CCSER1: variants seen among roughly 807,000 people sequenced by gnomAD.
CCSER1 encodes the protein serine-rich coiled-coil domain-containing protein 1.
In CCSER1, 41 loss-of-function variants were observed where a neutral mutation model predicts 82.0. That is an observed-to-expected ratio of 0.50 (90% CI 0.39 to 0.65). The LOEUF (loss-of-function observed/expected upper bound fraction) is 0.65, where lower values mean the gene tolerates loss of function less well. Among genes scored for constraint, CCSER1 ranks in the 30% least tolerant of loss-of-function variants. The probability of loss-of-function intolerance (pLI) is 0.00; values close to 1 mark genes in which losing one functional copy is unlikely to be tolerated. For synonymous variants in CCSER1, 414 were observed against 383.9 expected, an observed-to-expected ratio of 1.08 and a Z score of -0.92; for missense variants, 1,119 against 1,064.2, an observed-to-expected ratio of 1.05 and a Z score of -0.72.
chr4:90,984,494 G>A (rs1299702056), intron 9 of CCSER1, among the ~76,000 whole-genome samples: 1 of 151,656 alleles, frequency 6.6e-6, no homozygotes, highest in East Asian at 2.0e-4. Context: ...TAATTACAAA[G>A]AAGACAACTT....
chr4:90,791,625 C>T (rs13103942), intron 7 of CCSER1, among the ~76,000 whole-genome samples: 11,423 of 152,054 alleles, frequency 0.075, 563 homozygotes, highest in South Asian at 0.13. Flanking sequence ...CCAAGGCGGG[C>T]GGATCACGAG....
chr4:90,738,577 C>T (rs1746031742), intron 7 of CCSER1, among the ~76,000 whole-genome samples: 1 of 152,140 alleles, frequency 6.6e-6, no homozygotes, highest in South Asian at 2.1e-4. Context: ...GCCAACACAG[C>T]ACTGTGTCTT....
At chr4:90,699,160 A>T (rs1014867945) in intron 6 of CCSER1, among the ~76,000 whole-genome samples, 1 of 152,132 alleles carries the variant, frequency 6.6e-6, no homozygotes, top group African/African-American at 2.4e-5. Context: ...TTAGACTTCA[A>T]TGCAAAAGTG....
At chr4:90,998,358 G>A (rs1737691976) in intron 9 of CCSER1, among the ~76,000 whole-genome samples, 1 of 152,100 alleles carries the variant, frequency 6.6e-6, no homozygotes, top group Non-Finnish European at 1.5e-5. Context: ...GGGATTACAG[G>A]CGTGAGCCAC....
chr4:90,461,772 A>G (rs1213203261), intron 4 of CCSER1, among the ~76,000 whole-genome samples: 4 of 152,164 alleles, frequency 2.6e-5, no homozygotes, highest in Admixed American at 6.5e-5. Context: ...ACAGGAGTGA[A>G]CAAGACTGCA....
intron 4 of CCSER1, among the ~76,000 whole-genome samples, chr4:90,429,516 T>A (rs1757987077): frequency 1.3e-5 from 2 of 151,996 alleles, no homozygotes; most frequent in Non-Finnish European, 3.0e-5. Flanking sequence ...ATAGCTTATT[T>A]ATTTTATTTC....
intron 4 of CCSER1, among the ~76,000 whole-genome samples, chr4:90,421,537 G>A (rs1023158874): frequency 1.3e-5 from 2 of 152,182 alleles, no homozygotes; most frequent in Admixed American, 6.5e-5. Context: ...CTGAATTCTG[G>A]TAGTTTTCTG....
intron 7 of CCSER1, among the ~76,000 whole-genome samples, chr4:90,801,228 A>G (rs931938912): frequency 2.0e-5 from 3 of 152,148 alleles, no homozygotes; most frequent in African/African-American, 7.2e-5. Context: ...CTTTCTTGGT[A>G]TTATGATATA....
chr4:91,050,250 G>A (rs1048065516), intron 9 of CCSER1, among the ~76,000 whole-genome samples: 2 of 152,056 alleles, frequency 1.3e-5, no homozygotes, highest in Non-Finnish European at 2.9e-5. Context: ...GGCCAATCTG[G>A]TGAAACCCTG....
intron 9 of CCSER1, among the ~76,000 whole-genome samples, chr4:90,966,256 T>TTGAAGTCCA (rs2150387382): frequency 6.6e-6 from 1 of 152,060 alleles, no homozygotes; most frequent in South Asian, 2.1e-4. Context: ...CCTAAGAAAC[T>TTGAAGTCCA]TGAAGTCCAT....
At chr4:91,514,980 A>T (rs80345008) in intron 10 of CCSER1, among the ~76,000 whole-genome samples, 2,270 of 152,210 alleles carry the variant, frequency 0.015, 59 homozygotes, top group African/African-American at 0.052. Flanking sequence ...TATTCTACTG[A>T]TTTACAGGTT....
At chr4:90,479,114 A>C (rs1268848940) in intron 5 of CCSER1, among the ~76,000 whole-genome samples, 1 of 151,712 alleles carries the variant, frequency 6.6e-6, no homozygotes, top group Non-Finnish European at 1.5e-5. Flanking sequence ...TTTTTTTCAA[A>C]TGCAGTTCTT....
chr4:90,604,949 A>G (rs4552431), intron 5 of CCSER1, among the ~76,000 whole-genome samples: 1 of 152,170 alleles, frequency 6.6e-6, no homozygotes, highest in South Asian at 2.1e-4. Context: ...ATGGGGTCAG[A>G]TAAGGGAATA....
At chr4:90,855,746 A>G (rs573246183) in intron 8 of CCSER1, among the ~76,000 whole-genome samples, 12 of 152,276 alleles carry the variant, frequency 7.9e-5, no homozygotes, top group Middle Eastern at 3.4e-3. Context: ...CTAACTCTGT[A>G]TCTTAACATG....
At position 90,496,359 on chromosome 4, in the gene CCSER1, G is replaced by A. The variant is rs550548662; in HGVS notation, c.1724+28005G>A. The stretch of plus-strand genomic sequence containing the variant: ...TTTCACTCAATAACATCTGTATTTA[G>A]GAGTTAGAATTTAATATAAATACAT... On this transcript the variant is annotated intron_variant, in intron 5 of 10. Transcript: ENST00000509176. Among the ~76,000 whole-genome samples the A allele has an allele frequency of 1.9e-4, 29 of 152,244 alleles. No individual in the cohort carries two copies. The East Asian group carries it at 3.3e-3, about 17-fold the overall frequency.
At chr4:90,712,556 T>G in intron 6 of CCSER1, among the ~76,000 whole-genome samples, 1 of 152,088 alleles carries the variant, frequency 6.6e-6, no homozygotes, top group Non-Finnish European at 1.5e-5. Flanking sequence ...TTACTTCTAA[T>G]TTTGTGATCA....
intron 10 of CCSER1, among the ~76,000 whole-genome samples, chr4:91,207,107 G>T (rs1377568063): frequency 6.6e-6 from 1 of 151,858 alleles, no homozygotes; most frequent in Non-Finnish European, 1.5e-5. Flanking sequence ...GTGGCATAAT[G>T]AGTATTAGGA....
At position 91,395,357 on chromosome 4, in the gene CCSER1, G is replaced by A. The variant is rs1055489292; in HGVS notation, c.2218-203215G>A. ...TATATCAAGAGAGTGCAGCCATTAT[G>A]TGAGGACAGATTCAGGGGACTTGTT... On this transcript the variant is annotated intron_variant, in intron 10 of 10. Transcript: ENST00000509176. Among the ~76,000 whole-genome samples the A allele has an allele frequency of 1.1e-4, 16 of 152,200 alleles. No homozygotes were observed. The East Asian group carries it at 3.1e-3, about 29-fold the overall frequency.
At chr4:90,528,121 T>C (rs956544318) in intron 5 of CCSER1, among the ~76,000 whole-genome samples, 2 of 152,148 alleles carry the variant, frequency 1.3e-5, no homozygotes, top group Non-Finnish European at 2.9e-5. Context: ...AGAACAGACT[T>C]CCCCTGTCCA....
Sources: allele counts gnomAD v4.1 joint callset (sites outside exome capture counted in the v4.1 genomes callset), GRCh38; gene constraint gnomAD v4.1.1; transcripts MANE v1.5; gene names NCBI Gene and HGNC (gene_info 2026-07-23, HGNC 2026-07-21).